Variants in PECAM1 observed in about 807,000 individuals in gnomAD.
PECAM1 encodes platelet endothelial cell adhesion molecule.
Under a neutral mutation model 13.8 loss-of-function variants are expected in PECAM1, and 8 were observed. The observed-to-expected ratio is 0.58, with a 90% CI of 0.34 to 1.05. The LOEUF (loss-of-function observed/expected upper bound fraction) is 1.05, where lower values mean the gene tolerates loss of function less well. Among genes scored for constraint, PECAM1 ranks in the 50% least tolerant of loss-of-function variants. The pLI is 0.03. For synonymous variants in PECAM1, 136 were observed against 52.6 expected, an observed-to-expected ratio of 2.58 and a Z score of -6.86; for missense variants, 304 against 141.2, an observed-to-expected ratio of 2.15 and a Z score of -5.84.
At chr17:64,329,214 A>G (rs1257933553) in intron 15 of PECAM1, among the ~76,000 whole-genome samples, 4 of 152,156 alleles carry the variant, frequency 2.6e-5, no homozygotes, top group Non-Finnish European at 2.9e-5. Flanking sequence ...GCTCTGGCAT[A>G]GCTCACTTTG....
At chr17:64,361,125 A>G (rs1056334058) in intron 6 of PECAM1, among the ~76,000 whole-genome samples, 1 of 61,726 alleles carries the variant, frequency 1.6e-5, no homozygotes, top group Non-Finnish European at 3.1e-5. Context: ...CTGGCTGAGC[A>G]TATATGTGTG....
Position 64,319,731 on chromosome 17 carries a change from G to C in PECAM1, c.*4085C>G, listed in dbSNP as rs1171118417. 1 of 152,150 alleles carries C rather than the reference G, an allele frequency of 6.6e-6. No individual in the cohort carries two copies. Among genetic ancestry groups the C allele is most frequent in the African/African-American group, 2.4e-5 (1 of 41,432 alleles). 9.4% of individuals were successfully genotyped at this position (152,150 alleles called of 1,614,324 possible). ...ACCAGTCGTGCGTTCCCAGAGGAAG[G>C]TAGGTCATATACTGGTTAAATTCCG... On this transcript the variant is annotated 3_prime_UTR_variant, in exon 16 of 16. Transcript: ENST00000563924.
chr17:64,383,774 C>T (rs2036533855), intron 2 of PECAM1, among the ~76,000 whole-genome samples: 1 of 152,322 alleles, frequency 6.6e-6, no homozygotes, highest in Non-Finnish European at 1.5e-5. Context: ...ATGGTACCCA[C>T]TAGCATGGGG....
intron 11 of PECAM1, among the ~76,000 whole-genome samples, chr17:64,351,149 A>G (rs2035713884): frequency 2.6e-5 from 4 of 152,172 alleles, no homozygotes; most frequent in African/African-American, 4.8e-5. Context: ...AAGTGTTGAG[A>G]TTACAGGCGT....
At chr17:64,343,886 C>A (rs2035495942) in intron 13 of PECAM1, among the ~76,000 whole-genome samples, 1 of 152,170 alleles carries the variant, frequency 6.6e-6, no homozygotes, top group East Asian at 1.9e-4. Context: ...CCCCAAGACA[C>A]CCTCTGCTTG....
intron 14 of PECAM1, among the ~76,000 whole-genome samples, chr17:64,334,590 G>A (rs920433383): frequency 3.9e-5 from 6 of 151,942 alleles, no homozygotes; most frequent in African/African-American, 1.5e-4. Context: ...CTCACTGCAA[G>A]CTCTGCCTCC....
At chr17:64,342,718 C>T (rs28429459) in intron 13 of PECAM1, among the ~76,000 whole-genome samples, 2,072 of 152,070 alleles carry the variant, frequency 0.014, 42 homozygotes, top group African/African-American at 0.047. Flanking sequence ...CAGGGTGTGG[C>T]GTATACCTGG....
chr17:64,338,079 A>G (rs1445021175), intron 14 of PECAM1, among the ~76,000 whole-genome samples: 3 of 151,932 alleles, frequency 2.0e-5, no homozygotes, highest in Non-Finnish European at 4.4e-5. Context: ...TCTGTCACCC[A>G]GGCTGGAGGG....
intron 4 of PECAM1, 102 bp downstream of exon 4, chr17:64,374,949 T>G: frequency 2.4e-6 from 1 of 417,748 alleles, no homozygotes; most frequent in Middle Eastern, 6.3e-4. Context: ...AGAACAGGTC[T>G]TAAGTCCTGA....
chr17:64,377,763 T>C (rs2036396391), intron 3 of PECAM1, 61 bp downstream of exon 3: 1 of 472,790 alleles, frequency 2.1e-6, no homozygotes, highest in Admixed American at 3.2e-5. Flanking sequence ...TCACAGCTGT[T>C]ATTCACGCCA....
At chr17:64,377,306 A>G (rs1001181177) in intron 3 of PECAM1, among the ~76,000 whole-genome samples, 40 of 152,288 alleles carry the variant, frequency 2.6e-4, no homozygotes, top group African/African-American at 9.6e-4. Flanking sequence ...GAAAGAGAAG[A>G]CATCATTGAG....
In PECAM1 at chr17:64,323,673, G is replaced by A; in HGVS notation, c.*143C>T. The stretch of plus-strand genomic sequence containing the variant: ...CTTAGCAGGATGGATTTAAGAACCG[G>A]CAGCTTAGCCTGAGGAATTGCTGTG... On this transcript the variant is annotated 3_prime_UTR_variant, in exon 16 of 16. Coordinates refer to ENST00000563924, the MANE Select transcript of PECAM1 (RefSeq NM_000442.5). 1.3e-6 allele frequency: 2 copies of A among 1,513,234 alleles called. No individual in the cohort carries two copies. Among genetic ancestry groups the A allele is most frequent in the South Asian group, 2.5e-5 (2 of 79,320 alleles). 93.7% of individuals were successfully genotyped at this position (1,513,234 alleles called of 1,614,324 possible).
intron 2 of PECAM1, among the ~76,000 whole-genome samples, chr17:64,381,986 G>T (rs2036491964): frequency 6.6e-6 from 1 of 152,064 alleles, no homozygotes; most frequent in Non-Finnish European, 1.5e-5. Flanking sequence ...TGTAATCCCA[G>T]CTACTTGGGA....
chr17:64,385,512 T>C (rs1274487851), intron 2 of PECAM1, among the ~76,000 whole-genome samples: 1 of 152,140 alleles, frequency 6.6e-6, no homozygotes, highest in Non-Finnish European at 1.5e-5. Context: ...TCAGAGAGCA[T>C]GCTGAGCCAT....
chr17:64,333,626 T>A lies in PECAM1; in HGVS notation c.2165-3904A>T, dbSNP rs1338564802. On this transcript the variant is annotated intron_variant, in intron 14 of 15. Transcript: ENST00000563924. ...ATACTTAGAGTTAAAATGGTAAATT[T>A]TATGTGATATGTGTTTTACCACAAT... is the stretch of plus-strand genomic sequence containing the variant. 2.6e-5 allele frequency among the ~76,000 whole-genome samples: 4 copies of A among 151,962 alleles called. No individual in the cohort carries two copies. In the East Asian group the frequency reaches 7.7e-4, roughly 29 times the overall value.
chr17:64,383,143 A>G (rs1479071672), intron 2 of PECAM1, among the ~76,000 whole-genome samples: 1 of 152,166 alleles, frequency 6.6e-6, no homozygotes, highest in African/African-American at 2.4e-5. Flanking sequence ...TGCTCTCCAC[A>G]CGAGTCATTC....
intron 5 of PECAM1, among the ~76,000 whole-genome samples, chr17:64,365,310 A>G (rs1320500158): frequency 1.1e-4 from 17 of 152,356 alleles, no homozygotes; most frequent in African/African-American, 3.8e-4. Flanking sequence ...CCACTGCTCA[A>G]TGAAATAAAA....
At chr17:64,365,230 A>G (rs2036076455) in intron 5 of PECAM1, among the ~76,000 whole-genome samples, 1 of 152,092 alleles carries the variant, frequency 6.6e-6, no homozygotes, top group Non-Finnish European at 1.5e-5. Flanking sequence ...CAATTGCTTC[A>G]AAGAGAATAA....
At chr17:64,336,231 A>G (rs1240999500) in intron 14 of PECAM1, among the ~76,000 whole-genome samples, 5 of 150,784 alleles carry the variant, frequency 3.3e-5, no homozygotes, top group Non-Finnish European at 5.9e-5. Flanking sequence ...GCGCCACTGC[A>G]CTCCAGCCTG....
Sources: allele counts gnomAD v4.1 joint callset (sites outside exome capture counted in the v4.1 genomes callset), GRCh38; gene constraint gnomAD v4.1.1; transcripts MANE v1.5; gene names NCBI Gene and HGNC (gene_info 2026-07-23, HGNC 2026-07-21).